FAM149A: variants seen among roughly 807,000 people sequenced by gnomAD.
FAM149A encodes protein FAM149A.
A neutral mutation model predicts 78.2 loss-of-function variants in FAM149A; 71 were observed. That is an observed-to-expected ratio of 0.91 (90% confidence interval 0.75 to 1.11). The LOEUF (loss-of-function observed/expected upper bound fraction) is 1.11, where lower values mean the gene tolerates loss of function less well. Ranked by LOEUF, FAM149A falls within the 50% of genes least tolerant of loss-of-function variation. The probability of loss-of-function intolerance (pLI) is 0.00; values close to 1 mark genes in which losing one functional copy is unlikely to be tolerated. For missense variants in FAM149A, 1,036 were observed against 971.0 expected (o/e 1.07, Z -0.89); for synonymous variants, 446 against 410.5 (o/e 1.09, Z -1.04).
Position 186,152,053 on chromosome 4 carries a change from C to T in FAM149A, c.932+8C>T, listed in dbSNP as rs1219181190. ...AAGATCCCTCCATTTGAGGTGGGACCTTGGTGGTGGAAGTTCTCTGGGGTG... is the reference window on the plus strand; with the variant it reads ...AAGATCCCTCCATTTGAGGTGGGACTTTGGTGGTGGAAGTTCTCTGGGGTG... On this transcript the variant is annotated splice_region_variant and intron_variant, in intron 4 of 13. Transcript: ENST00000389354. 3 of 1,613,246 alleles carry T rather than the reference C, an allele frequency of 1.9e-6. No individual in the cohort carries two copies. Among genetic ancestry groups the T allele is most frequent in the South Asian group, 2.2e-5 (2 of 91,030 alleles).
chr4:186,144,822 C>T lies in FAM149A; in HGVS notation c.567-4351C>T, dbSNP rs1279634134. On this transcript the variant is annotated intron_variant, in intron 1 of 13. Coordinates refer to ENST00000389354, the MANE Select transcript of FAM149A (RefSeq NM_001367768.3). The surrounding 1 kb of genome is among the most constrained non-coding windows in gnomAD (Gnocchi z 4.2). ...GCAGCGCAGGGAGGAGGAGGGGAGG[C>T]GGCGCCGGCGCGGGCGGGGCGGAGG... 3 of 982,212 alleles carry T rather than the reference C, an allele frequency of 3.1e-6. No individual in the cohort carries two copies. Among genetic ancestry groups the T allele is most frequent in the East Asian group, 2.3e-4 (2 of 8,580 alleles). The allele number at this position is 982,212 out of a possible 1,614,324, so 60.8% of individuals were successfully genotyped here. A position where few individuals can be genotyped will look rare whatever the true frequency, so the allele number is the denominator to read the frequency against.
intron 1 of FAM149A, among the ~76,000 whole-genome samples, chr4:186,135,486 C>G (rs79574732): frequency 0.044 from 6,663 of 152,224 alleles, 249 homozygotes; most frequent in Middle Eastern, 0.1. Context: ...AGAGGAAATA[C>G]AGGGTTCGCG....
At chr4:186,138,840 G>A (rs576216110) in intron 1 of FAM149A, among the ~76,000 whole-genome samples, 1 of 152,196 alleles carries the variant, frequency 6.6e-6, no homozygotes, top group African/African-American at 2.4e-5. Flanking sequence ...GGGAGTGCTT[G>A]TCAGGCTGCT....
In FAM149A at chr4:186,164,979, C is replaced by T. The variant is rs568245104; in HGVS notation, c.1890-365C>T. Among the ~76,000 whole-genome samples the T allele has an allele frequency of 6.6e-6, 1 of 152,260 alleles. No homozygotes were observed. Among genetic ancestry groups the T allele is most frequent in the South Asian group, 2.1e-4 (1 of 4,816 alleles). On this transcript the variant is annotated intron_variant, in intron 10 of 13. Transcript: ENST00000389354. This position sits in a 1 kb window ranked among gnomAD's most constrained non-coding sequence, Gnocchi z 4.0. Reference sequence around the variant, plus strand: ...TCTACACATACGAGGGAAGCTGTGGCTTCAGAGGGGCCAGTGCCCACCCCC... The same window carrying T: ...TCTACACATACGAGGGAAGCTGTGGTTTCAGAGGGGCCAGTGCCCACCCCC...
chr4:186,142,086 T>C (rs954390641), intron 1 of FAM149A, among the ~76,000 whole-genome samples: 2 of 152,024 alleles, frequency 1.3e-5, no homozygotes, highest in African/African-American at 4.8e-5. Context: ...GAAGTCTCGG[T>C]AGAAGCAACA....
chr4:186,130,469 G>A (rs1030494987), intron 1 of FAM149A, among the ~76,000 whole-genome samples: 20 of 151,148 alleles, frequency 1.3e-4, no homozygotes, highest in African/African-American at 3.9e-4. Flanking sequence ...CTACCTGCTC[G>A]GGGTCAGGTG....
At chr4:186,108,077 CAT>C (rs2099309513) in intron 1 of FAM149A, among the ~76,000 whole-genome samples, 1 of 152,154 alleles carries the variant, frequency 6.6e-6, no homozygotes, top group Non-Finnish European at 1.5e-5. Flanking sequence ...AATAAACAAA[CAT>C]AAGACAATGA....
At chr4:186,160,246 TCACA>T (rs1211423099) in intron 8 of FAM149A, among the ~76,000 whole-genome samples, 11 of 63,282 alleles carry the variant, frequency 1.7e-4, no homozygotes, top group East Asian at 1.7e-3. Flanking sequence ...CACACACCAC[TCACA>T]CACACACTGC....
At chr4:186,151,575 C>A in intron 3 of FAM149A, 1 of 213,654 alleles carries the variant, frequency 4.7e-6, no homozygotes, top group Non-Finnish European at 8.1e-6. Context: ...CAGATGTGGA[C>A]GTGTCTGTGT....
At position 186,130,266 on chromosome 4, in the gene FAM149A, T is replaced by TCTCTCTCC. The variant is rs1350844140; in HGVS notation, c.567-18900_567-18899insCCTCTCTC. ...ATCTAAAATTGGACTTTATGAAATC[T>TCTCTCTCC]CTCTCTCTCTCTCTCTCTCTCTCTC... On this transcript the variant is annotated intron_variant, in intron 1 of 13. Transcript: ENST00000389354. The TCTCTCTCC allele has an allele frequency of 1.2e-3, 34 of 28,434 alleles. 2 individuals are homozygous for TCTCTCTCC. The highest frequency in any genetic ancestry group is 6.5e-3 in the African/African-American group (34 of 5,270). 1.8% of individuals were successfully genotyped at this position (28,434 alleles called of 1,614,324 possible). A position where few individuals can be genotyped will look rare whatever the true frequency, so the allele number is the denominator to read the frequency against.
At chr4:186,115,471 C>G (rs1290417736) in intron 1 of FAM149A, among the ~76,000 whole-genome samples, 34 of 128,290 alleles carry the variant, frequency 2.7e-4, no homozygotes, top group African/African-American at 9.5e-4. Context: ...GAGAGGCGCT[C>G]TGCGTTTTAG....
rs567134336 is a variant in FAM149A at position 186,153,012 on chromosome 4, C to T, written c.933-633C>T. Among the ~76,000 whole-genome samples, 6 of 152,112 alleles carry T rather than the reference C, an allele frequency of 3.9e-5. No individual in the cohort carries two copies. The East Asian group carries it at 9.7e-4, about 25-fold the overall frequency. On this transcript the variant is annotated intron_variant, in intron 4 of 13. Coordinates refer to ENST00000389354, the MANE Select transcript of FAM149A (RefSeq NM_001367768.3). Reference sequence around the variant, plus strand: ...TAGGTAACTTTTACAGAAATCTTGACCAACTAGGGTTGTTTTTTTTTTTCT... The same window carrying T: ...TAGGTAACTTTTACAGAAATCTTGATCAACTAGGGTTGTTTTTTTTTTTCT...
At position 186,166,970 on chromosome 4, in the gene FAM149A, C is replaced by G; in HGVS notation, c.2013C>G (p.Tyr671Ter). 1 of 1,613,110 alleles carries G rather than the reference C, an allele frequency of 6.2e-7. No homozygotes were observed. Among genetic ancestry groups the G allele is most frequent in the Non-Finnish European group, 8.5e-7 (1 of 1,179,384 alleles). ...AGAACATACTATCCTTCATTTAGTA[C>G]AGAGGAAGGCATCTACAAAACCGTG... The change falls in exon 12 of 14, where the codon TAC becomes TAG. Residue 671 changes from tyrosine to a stop codon, truncating the protein, a stop_gained and splice_region_variant. Coordinates refer to ENST00000389354, the MANE Select transcript of FAM149A (RefSeq NM_001367768.3). LOFTEE classifies it high-confidence loss of function.
chr4:186,134,318 T>C (rs1466136259), intron 1 of FAM149A, among the ~76,000 whole-genome samples: 2 of 152,152 alleles, frequency 1.3e-5, no homozygotes, highest in Non-Finnish European at 2.9e-5. Context: ...TTTGCAACAT[T>C]TTAGACTGGT....
rs2099308291 is a variant in FAM149A, at chr4:186,105,271, C to G, written c.195C>G (p.Ala65=). 8.3e-7 allele frequency: 1 copy of G among 1,198,210 alleles called. No individual in the cohort carries two copies. The highest frequency in any genetic ancestry group is 1.1e-6 in the Non-Finnish European group (1 of 952,138). 74.2% of individuals were successfully genotyped at this position (1,198,210 alleles called of 1,614,324 possible). A position where few individuals can be genotyped will look rare whatever the true frequency, so the allele number is the denominator to read the frequency against. Reference sequence around the variant, plus strand: ...CCCTGGCTCCGGACTCCCCCTCCGCCTCGCGGCGGTCGCCCGCCCCGCTGC... The same window carrying G: ...CCCTGGCTCCGGACTCCCCCTCCGCGTCGCGGCGGTCGCCCGCCCCGCTGC... The change falls in exon 1 of 14, where the codon GCC becomes GCG. Residue 65 remains alanine (A), a synonymous_variant. Transcript: ENST00000389354.
intron 1 of FAM149A, among the ~76,000 whole-genome samples, chr4:186,140,954 T>G (rs950059029): frequency 1.3e-5 from 2 of 152,222 alleles, no homozygotes; most frequent in Non-Finnish European, 2.9e-5. Context: ...TCAAGGTGAA[T>G]GGCCAAGTTG....
At chr4:186,137,144 A>G (rs970827678) in intron 1 of FAM149A, among the ~76,000 whole-genome samples, 63 of 152,180 alleles carry the variant, frequency 4.1e-4, no homozygotes, top group Admixed American at 5.9e-4. Flanking sequence ...AGAAATCAGC[A>G]AATTGGATTT....
rs1283706988 is a variant in FAM149A at position 186,158,299 on chromosome 4, G to A, written c.1575+580G>A. The A allele has an allele frequency of 2.5e-6, 3 of 1,218,584 alleles. No individual in the cohort carries two copies. In the East Asian group the frequency reaches 1.6e-4, roughly 66 times the overall value. 75.5% of individuals were successfully genotyped at this position (1,218,584 alleles called of 1,614,324 possible). A position where few individuals can be genotyped will look rare whatever the true frequency, so the allele number is the denominator to read the frequency against. On this transcript the variant is annotated intron_variant, in intron 8 of 13. Coordinates refer to ENST00000389354, the MANE Select transcript of FAM149A (RefSeq NM_001367768.3). ...ACCAGCCTCTCAGAGAGGCGTCTTG[G>A]CTAGCCCACCTCCCATTGCTCTGTG...
At chr4:186,138,702 G>C (rs2126401271) in intron 1 of FAM149A, among the ~76,000 whole-genome samples, 1 of 152,312 alleles carries the variant, frequency 6.6e-6, no homozygotes, top group South Asian at 2.1e-4. Context: ...TTTTATCATG[G>C]TGAGACTGGG....
Sources: gnomAD v4.1 joint callset for allele counts (sites outside exome capture counted in the v4.1 genomes callset) on GRCh38, gnomAD v4.1.1 for gene constraint, Gnocchi (gnomAD v3.1) non-coding constraint, MANE v1.5 for transcripts, NCBI Gene and HGNC (gene_info 2026-07-23, HGNC 2026-07-21) for gene names.